The following DYNC2H1 variants were observed in gnomAD, a reference collection of about 807,000 sequenced individuals.
DYNC2H1 encodes the protein cytoplasmic dynein 2 heavy chain 1.
DYNC2H1 carries 410 observed loss-of-function variants against 570.0 expected under a neutral mutation model. The observed-to-expected ratio is 0.72, with a 90% CI of 0.66 to 0.78. DYNC2H1 has a LOEUF of 0.78. Among genes scored for constraint, DYNC2H1 ranks in the 30% least tolerant of loss-of-function variants. The pLI is 0.00. For missense variants in DYNC2H1, 4,865 were observed against 5,046.4 expected (o/e 0.96, Z 1.09); for synonymous variants, 1,688 against 1,677.6 (o/e 1.01, Z -0.15).
Position 103,156,677 on chromosome 11 carries a change from T to A in DYNC2H1, c.4034T>A (p.Ile1345Asn), listed in dbSNP as rs1860842287. 2 of 1,613,404 alleles carry A rather than the reference T, an allele frequency of 1.2e-6. No homozygotes were observed. Among genetic ancestry groups the A allele is most frequent in the East Asian group, 2.2e-5 (1 of 44,848 alleles). Residue 1345 changes from isoleucine (I) to asparagine (N), a missense_variant, in exon 26 of 89, where the codon ATT becomes AAT. By Grantham distance (149) the Ile-to-Asn change is moderately radical (BLOSUM62 -3). Transcript: ENST00000375735. ...LDEYLQNLNH[I>N]QRKWVYLEPI... ...GAATACCTGCAGAATTTAAATCATA[T>A]TCAGAGAAAGTGGGTGTATTTGGAA...
chr11:103,242,752 G>A (rs1162828640), intron 63 of DYNC2H1, among the ~76,000 whole-genome samples: 1 of 151,956 alleles, frequency 6.6e-6, no homozygotes, highest in Non-Finnish European at 1.5e-5. Flanking sequence ...TTGAGATGGA[G>A]TCTCTGTCGC....
chr11:103,457,654 G>A (rs552026453), intron 87 of DYNC2H1, among the ~76,000 whole-genome samples: 13 of 151,658 alleles, frequency 8.6e-5, no homozygotes, highest in Non-Finnish European at 1.8e-4. Context: ...GTACAGATAC[G>A]CAAAAAATCA....
intron 70 of DYNC2H1, among the ~76,000 whole-genome samples, chr11:103,270,424 T>C (rs1171521667): frequency 6.6e-6 from 1 of 152,062 alleles, no homozygotes. Context: ...AGTGATAAAG[T>C]TTAATTTATA....
chr11:103,293,603 C>T (rs1866700469), intron 75 of DYNC2H1, among the ~76,000 whole-genome samples: 1 of 147,886 alleles, frequency 6.8e-6, no homozygotes, highest in African/African-American at 2.5e-5. Flanking sequence ...ATACTTCATC[C>T]TTTTTATTCT....
chr11:103,162,577 G>T (rs565528593), intron 29 of DYNC2H1, among the ~76,000 whole-genome samples: 75 of 152,108 alleles, frequency 4.9e-4, no homozygotes, highest in African/African-American at 1.7e-3. Flanking sequence ...CCTTCCTATG[G>T]TTACGACTTT....
At chr11:103,339,148 C>G (rs1463430057) in intron 82 of DYNC2H1, among the ~76,000 whole-genome samples, 4 of 151,992 alleles carry the variant, frequency 2.6e-5, no homozygotes, top group Non-Finnish European at 5.9e-5. Flanking sequence ...GGCAGAGTCT[C>G]TTGCTCTTCC....
intron 85 of DYNC2H1, among the ~76,000 whole-genome samples, chr11:103,443,168 A>G (rs1416543697): frequency 2.0e-5 from 3 of 152,072 alleles, no homozygotes; most frequent in South Asian, 2.1e-4. Context: ...TGAAGATACA[A>G]TGGAAGGTTG....
At chr11:103,336,751 A>G (rs776891912) in intron 82 of DYNC2H1, among the ~76,000 whole-genome samples, 9 of 152,190 alleles carry the variant, frequency 5.9e-5, no homozygotes, top group Non-Finnish European at 1.2e-4. Context: ...ACTATTGTGA[A>G]TAGTGCTGTA....
chr11:103,136,033 T>A (rs1217854736), intron 17 of DYNC2H1, 85 bp downstream of exon 17: 1 of 1,118,738 alleles, frequency 8.9e-7, no homozygotes, highest in Non-Finnish European at 1.2e-6. Context: ...CATTAATAGT[T>A]TACCTTGTGT....
At chr11:103,166,720 T>G (rs1446376429) in intron 31 of DYNC2H1, among the ~76,000 whole-genome samples, 3 of 152,140 alleles carry the variant, frequency 2.0e-5, no homozygotes, top group Non-Finnish European at 2.9e-5. Flanking sequence ...AGTAATACAT[T>G]ACTTTTTTTT....
intron 84 of DYNC2H1, among the ~76,000 whole-genome samples, chr11:103,416,178 A>T (rs1174354413): frequency 6.6e-6 from 1 of 152,190 alleles, no homozygotes; most frequent in Non-Finnish European, 1.5e-5. Context: ...GAGGGATAGC[A>T]TTAGGAGAAA....
rs1269712596 is a variant in DYNC2H1, at chr11:103,163,953, A to T, written c.4611+806A>T. Among the ~76,000 whole-genome samples the T allele has an allele frequency of 6.6e-6, 1 of 152,216 alleles. No individual in the cohort carries two copies. The highest frequency in any genetic ancestry group is 1.5e-5 in the Non-Finnish European group (1 of 68,034). ...GAAGCTTGGAACAGTTTACATTCTGAACCATTTTCTCATACATGCCATTTG... is the reference window on the plus strand; with the variant it reads ...GAAGCTTGGAACAGTTTACATTCTGTACCATTTTCTCATACATGCCATTTG... On this transcript the variant is annotated intron_variant, in intron 30 of 88. Coordinates refer to ENST00000375735, the MANE Select transcript of DYNC2H1 (RefSeq NM_001377.3). The surrounding 1 kb of genome is among the most constrained non-coding windows in gnomAD (Gnocchi z 4.6).
chr11:103,272,973 G>T (rs1865768816), intron 70 of DYNC2H1, among the ~76,000 whole-genome samples: 2 of 151,444 alleles, frequency 1.3e-5, no homozygotes, highest in African/African-American at 4.8e-5. Context: ...AATTGTCATT[G>T]AATTAAAGTG....
At chr11:103,321,363 A>G (rs1938187663) in intron 81 of DYNC2H1, 126 bp downstream of exon 81, 1 of 988,822 alleles carries the variant, frequency 1.0e-6, no homozygotes, top group Admixed American at 2.1e-5. Flanking sequence ...ATTATTTGTT[A>G]TGACAATATA....
chr11:103,121,037 G>A lies in DYNC2H1; in HGVS notation c.1360+1G>A. On this transcript the variant is annotated splice_donor_variant, in intron 9 of 88. Coordinates refer to ENST00000375735, the MANE Select transcript of DYNC2H1 (RefSeq NM_001377.3). LOFTEE classifies it high-confidence loss of function. ...GCAAGACTTGTGGACTCAATTAAAGGTAAAAGTTTATGAGATTATAGTGTT... is the reference window on the plus strand; with the variant it reads ...GCAAGACTTGTGGACTCAATTAAAGATAAAAGTTTATGAGATTATAGTGTT... 6.5e-7 allele frequency: 1 copy of A among 1,531,896 alleles called. No homozygotes were observed. Among genetic ancestry groups the A allele is most frequent in the Non-Finnish European group, 8.8e-7 (1 of 1,134,632 alleles). The allele number at this position is 1,531,896 out of a possible 1,614,324, so 94.9% of individuals were successfully genotyped here.
chr11:103,202,191 G>A (rs374587758), intron 50 of DYNC2H1, among the ~76,000 whole-genome samples: 3 of 152,030 alleles, frequency 2.0e-5, no homozygotes, highest in South Asian at 4.1e-4. Flanking sequence ...TGGACTTAGA[G>A]CGTTCCATCT....
intron 35 of DYNC2H1, among the ~76,000 whole-genome samples, chr11:103,173,554 G>A (rs576164396): frequency 2.0e-5 from 3 of 152,086 alleles, no homozygotes; most frequent in Admixed American, 2.0e-4. Context: ...TTATATTAGA[G>A]TGCTTCAGCT....
At chr11:103,429,775 T>C (rs1314906504) in intron 84 of DYNC2H1, among the ~76,000 whole-genome samples, 1 of 152,216 alleles carries the variant, frequency 6.6e-6, no homozygotes, top group Admixed American at 6.5e-5. Context: ...TCTTAAATTG[T>C]ATCTATTGTT....
Position 103,243,884 on chromosome 11 carries a change from A to G in DYNC2H1, c.9918+93A>G. On this transcript the variant is annotated intron_variant, in intron 64 of 88. Transcript: ENST00000375735. The surrounding 1 kb of genome is among the most constrained non-coding windows in gnomAD (Gnocchi z 4.8). The stretch of plus-strand genomic sequence containing the variant: ...TATAATCAGAAAACATAGATTCAAC[A>G]CTGGGTCCTACTGTATGGGACCTTG... 2.2e-6 allele frequency: 2 copies of G among 911,804 alleles called. No individual in the cohort carries two copies. The highest frequency in any genetic ancestry group is 3.4e-5 in the African/African-American group (2 of 59,326). The allele number at this position is 911,804 out of a possible 1,614,324, so 56.5% of individuals were successfully genotyped here. A position where few individuals can be genotyped will look rare whatever the true frequency, so the allele number is the denominator to read the frequency against.
Sources: allele counts gnomAD v4.1 joint callset (sites outside exome capture counted in the v4.1 genomes callset), GRCh38; gene constraint gnomAD v4.1.1; non-coding constraint Gnocchi (gnomAD v3.1); transcripts MANE v1.5; gene names NCBI Gene and HGNC (gene_info 2026-07-23, HGNC 2026-07-21).